The following PKP4 variants were observed in gnomAD, a reference collection of about 807,000 sequenced individuals.
PKP4 encodes the protein plakophilin-4.
A neutral mutation model predicts 145.1 loss-of-function variants in PKP4; 90 were observed. That is an observed-to-expected ratio of 0.62 (90% CI 0.52 to 0.74). PKP4 has a LOEUF of 0.74. Among genes scored for constraint, PKP4 ranks in the 30% least tolerant of loss-of-function variants. The pLI is 0.00. For synonymous variants in PKP4, 563 were observed against 577.2 expected, an observed-to-expected ratio of 0.98 and a Z score of 0.35; for missense variants, 1,340 against 1,482.7, an observed-to-expected ratio of 0.90 and a Z score of 1.58.
chr2:158,612,708 A>C (rs1003270845), intron 4 of PKP4, among the ~76,000 whole-genome samples: 2 of 152,194 alleles, frequency 1.3e-5, no homozygotes, highest in South Asian at 4.1e-4. Flanking sequence ...ATTTGTTTCA[A>C]ATTTCTCTAT....
At position 158,577,304 on chromosome 2, in the gene PKP4, G is replaced by C. The variant is rs879132514; in HGVS notation, c.166G>C (p.Glu56Gln). Residue 56 changes from glutamate to glutamine, a missense_variant, in exon 3 of 22, where the codon GAA becomes CAA. By Grantham distance (29) the Glu-to-Gln change is conservative. Coordinates refer to ENST00000389759, the MANE Select transcript of PKP4 (RefSeq NM_003628.6). The part of the protein sequence containing the change: ...LQFQRLTREL[E>Q]VERQIVASQL... ...GTTTCAGCGACTCACCCGAGAACTG[G>C]AAGTGGAAAGGCAGATTGTTGCCAG... is the stretch of plus-strand genomic sequence containing the variant. 7 of 1,613,666 alleles carry C rather than the reference G, an allele frequency of 4.3e-6. No homozygotes were observed. Among genetic ancestry groups the C allele is most frequent in the Non-Finnish European group, 5.9e-6 (7 of 1,179,840 alleles).
rs750436320 is a variant in PKP4 at position 158,676,765 on chromosome 2, C to G, written c.3154C>G (p.Leu1052Val). 6 of 1,614,002 alleles carry G rather than the reference C, an allele frequency of 3.7e-6. No individual in the cohort carries two copies. In the Admixed American group the frequency reaches 5.0e-5, roughly 13 times the overall value. The change falls in exon 20 of 22, where the codon CTG becomes GTG. Residue 1052 changes from leucine (L) to valine (V), a missense_variant. Coordinates refer to ENST00000389759, the MANE Select transcript of PKP4 (RefSeq NM_003628.6). ...CGGCAGCACCTCTTCCTCACCAGCACTGTTAGGAATCAGAGACCCTCGCTC... is the reference window on the plus strand; with the variant it reads ...CGGCAGCACCTCTTCCTCACCAGCAGTGTTAGGAATCAGAGACCCTCGCTC... ...SVGSTSSSPA[L>V]LGIRDPRSEY...
intron 21 of PKP4, chr2:158,679,381 A>C: frequency 6.6e-6 from 1 of 152,194 alleles, no homozygotes; most frequent in Non-Finnish European, 1.5e-5. Flanking sequence ...CCTTCTCGTC[A>C]TCTTTTCTCT....
At chr2:158,593,529 C>T (rs552792692) in intron 3 of PKP4, among the ~76,000 whole-genome samples, 1 of 152,224 alleles carries the variant, frequency 6.6e-6, no homozygotes, top group Admixed American at 6.5e-5. Flanking sequence ...TCTTCTGACT[C>T]TTTTATTCAT....
At chr2:158,597,556 T>G (rs990650910) in intron 3 of PKP4, among the ~76,000 whole-genome samples, 20 of 152,294 alleles carry the variant, frequency 1.3e-4, no homozygotes, top group Middle Eastern at 3.4e-3. Flanking sequence ...CCAACTCTCC[T>G]CAAGGTAATT....
chr2:158,669,676 C>A, intron 16 of PKP4, 44 bp from the exon 17 acceptor site: 2 of 1,443,500 alleles, frequency 1.4e-6, no homozygotes, highest in Non-Finnish European at 1.9e-6. Flanking sequence ...TAACAAAAAC[C>A]TAGTACCTTC....
At chr2:158,496,543 A>G (rs114793838) in intron 1 of PKP4, among the ~76,000 whole-genome samples, 69 of 152,090 alleles carry the variant, frequency 4.5e-4, no homozygotes, top group African/African-American at 1.4e-3. Flanking sequence ...TGAAATATCT[A>G]TCTCCTTTTT....
At chr2:158,562,541 G>A (rs1040154090) in intron 2 of PKP4, among the ~76,000 whole-genome samples, 3 of 152,172 alleles carry the variant, frequency 2.0e-5, no homozygotes, top group African/African-American at 7.2e-5. Context: ...AAAAGTTCTG[G>A]AGATGGATGA....
At chr2:158,530,633 A>G (rs927829521) in intron 1 of PKP4, among the ~76,000 whole-genome samples, 1 of 150,576 alleles carries the variant, frequency 6.6e-6, no homozygotes, top group Non-Finnish European at 1.5e-5. Context: ...AAGAAAATGG[A>G]TAGGAAACCT....
At chr2:158,497,953 A>C (rs1287019065) in intron 1 of PKP4, among the ~76,000 whole-genome samples, 1 of 152,210 alleles carries the variant, frequency 6.6e-6, no homozygotes, top group African/African-American at 2.4e-5. Flanking sequence ...ACACAGGTGC[A>C]TCTGGTGTTT....
chr2:158,544,200 G>A (rs1296071220), intron 2 of PKP4, among the ~76,000 whole-genome samples: 1 of 152,136 alleles, frequency 6.6e-6, no homozygotes, highest in Non-Finnish European at 1.5e-5. Context: ...GCCAGGTAGT[G>A]TTTCCAAGCC....
Position 158,557,015 on chromosome 2 carries a change from C to A in PKP4, c.133-20256C>A, listed in dbSNP as rs377322153. On this transcript the variant is annotated intron_variant, in intron 2 of 21. Coordinates refer to ENST00000389759, the MANE Select transcript of PKP4 (RefSeq NM_003628.6). ...AAAGAGCATCAACTCTGGAGTCACA[C>A]CTTCTAACTGCATATCCCTGCCATG... 5.0e-4 allele frequency among the ~76,000 whole-genome samples: 76 copies of A among 152,168 alleles called. 1 individual carries two copies. Among genetic ancestry groups the A allele is most frequent in the South Asian group, 1.5e-3 (7 of 4,800 alleles).
At chr2:158,610,877 A>G (rs2051082717) in intron 4 of PKP4, among the ~76,000 whole-genome samples, 1 of 152,204 alleles carries the variant, frequency 6.6e-6, no homozygotes, top group Non-Finnish European at 1.5e-5. Context: ...CAGGGCTGGA[A>G]TGTGCTGCTC....
intron 4 of PKP4, among the ~76,000 whole-genome samples, chr2:158,612,182 CTG>C (rs2051209871): frequency 1.3e-5 from 2 of 151,960 alleles, no homozygotes; most frequent in South Asian, 4.2e-4. Flanking sequence ...AGACTGTTAA[CTG>C]TGTTTGTATG....
chr2:158,520,143 C>A (rs915829421), intron 1 of PKP4, among the ~76,000 whole-genome samples: 1 of 152,142 alleles, frequency 6.6e-6, no homozygotes, highest in African/African-American at 2.4e-5. Context: ...AACCATTTTG[C>A]AGTGCTTTCC....
chr2:158,604,419 A>G (rs932798490), intron 4 of PKP4, among the ~76,000 whole-genome samples: 1 of 152,236 alleles, frequency 6.6e-6, no homozygotes. Context: ...TTCTTGAAGC[A>G]AAATGTCATA....
At chr2:158,565,342 A>G (rs973380406) in intron 2 of PKP4, among the ~76,000 whole-genome samples, 1 of 152,272 alleles carries the variant, frequency 6.6e-6, no homozygotes, top group African/African-American at 2.4e-5. Context: ...AAGAATTCTC[A>G]ATATGGCAAT....
chr2:158,520,778 G>A (rs117935038), intron 1 of PKP4, among the ~76,000 whole-genome samples: 3 of 152,116 alleles, frequency 2.0e-5, no homozygotes, highest in African/African-American at 2.4e-5. Context: ...CTATGCATGC[G>A]TTCTTAGTAA....
intron 2 of PKP4, among the ~76,000 whole-genome samples, chr2:158,536,046 G>A (rs1376464531): frequency 2.0e-5 from 3 of 152,144 alleles, no homozygotes; most frequent in Non-Finnish European, 2.9e-5. Context: ...CTAACATTAC[G>A]ATTGTCATCA....
Sources: allele counts gnomAD v4.1 joint callset (sites outside exome capture counted in the v4.1 genomes callset), GRCh38; gene constraint gnomAD v4.1.1; transcripts MANE v1.5; gene names NCBI Gene and HGNC (gene_info 2026-07-23, HGNC 2026-07-21).